The following CELF5 variants were observed in gnomAD, a reference collection of about 807,000 sequenced individuals.
CELF5 encodes the protein CUG-BP and ETR-3 like factor 5.
In CELF5, 6 loss-of-function variants were observed where a neutral mutation model predicts 54.9. The ratio of observed to expected loss-of-function variants is 0.11; its 90% CI spans 0.06 to 0.22. The LOEUF (loss-of-function observed/expected upper bound fraction) is 0.22. CELF5 is among the 10% of genes least tolerant of loss of function. CELF5 has a pLI of 1.00. For synonymous variants in CELF5, 271 were observed against 290.9 expected (o/e 0.93, Z 0.70); for missense variants, 401 against 678.6 (o/e 0.59, Z 4.54).
At chr19:3,259,673 G>A (rs1385497810) in intron 2 of CELF5, among the ~76,000 whole-genome samples, 1 of 152,038 alleles carries the variant, frequency 6.6e-6, no homozygotes, top group Non-Finnish European at 1.5e-5. Context: ...GTCTCTTGGG[G>A]GTCTGTGGAA....
intron 2 of CELF5, among the ~76,000 whole-genome samples, chr19:3,255,882 T>C (rs1246829009): frequency 6.6e-6 from 1 of 151,948 alleles, no homozygotes; most frequent in African/African-American, 2.4e-5. Context: ...CTGGCCAACA[T>C]GGTGAAACCC....
At chr19:3,277,307 T>C (rs911296538) in intron 4 of CELF5, among the ~76,000 whole-genome samples, 1 of 151,764 alleles carries the variant, frequency 6.6e-6, no homozygotes, top group African/African-American at 2.4e-5. Context: ...AACCCGTCTC[T>C]ACAAAAAATA....
intron 2 of CELF5, among the ~76,000 whole-genome samples, chr19:3,267,988 A>T (rs1232704611): frequency 6.6e-6 from 1 of 151,848 alleles, no homozygotes; most frequent in Non-Finnish European, 1.5e-5. Flanking sequence ...CTAGAAGTAG[A>T]TTTTTGTTTT....
At chr19:3,244,392 G>A (rs2079531835) in intron 1 of CELF5, among the ~76,000 whole-genome samples, 1 of 151,592 alleles carries the variant, frequency 6.6e-6, no homozygotes, top group African/African-American at 2.4e-5. Context: ...TGTAGTGTGT[G>A]TGGTGTGCAT....
At chr19:3,226,079 G>A (rs1475824870) in intron 1 of CELF5, among the ~76,000 whole-genome samples, 1 of 151,574 alleles carries the variant, frequency 6.6e-6, no homozygotes, top group Non-Finnish European at 1.5e-5. Flanking sequence ...CCGGTCAGGT[G>A]TTGGGGACTG....
intron 2 of CELF5, among the ~76,000 whole-genome samples, chr19:3,251,282 G>T (rs930348438): frequency 2.0e-5 from 3 of 152,222 alleles, no homozygotes; most frequent in East Asian, 1.9e-4. Flanking sequence ...CAGAGTGGTT[G>T]TGTGTGGTTG....
intron 1 of CELF5, among the ~76,000 whole-genome samples, chr19:3,231,309 G>A (rs1267423695): frequency 6.6e-6 from 1 of 152,228 alleles, no homozygotes; most frequent in African/African-American, 2.4e-5. Flanking sequence ...TGGATGGAGA[G>A]ATAGATATGT....
rs1334157522 is a variant in CELF5 at position 3,228,943 on chromosome 19, C to T, written c.259+3945C>T. ...GCGGGCGCGCGCCTGGGAAGGACTCCTGCCGGGGTGCTGTGTGGCTTCAAG... is the reference window on the plus strand; with the variant it reads ...GCGGGCGCGCGCCTGGGAAGGACTCTTGCCGGGGTGCTGTGTGGCTTCAAG... On this transcript the variant is annotated intron_variant, in intron 1 of 12. Coordinates refer to ENST00000292672, the MANE Select transcript of CELF5 (RefSeq NM_021938.4). This position sits in a 1 kb window ranked among gnomAD's most constrained non-coding sequence, Gnocchi z 6.0. Among the ~76,000 whole-genome samples the T allele has an allele frequency of 1.3e-5, 2 of 151,290 alleles. No homozygotes were observed. The highest frequency in any genetic ancestry group is 2.9e-5 in the Non-Finnish European group (2 of 67,856).
chr19:3,265,032 G>A (rs1324222965), intron 2 of CELF5, among the ~76,000 whole-genome samples: 1 of 152,024 alleles, frequency 6.6e-6, no homozygotes, highest in Non-Finnish European at 1.5e-5. Context: ...TTAATTTAAT[G>A]ATGACGAGAT....
At chr19:3,226,889 TCAA>T in intron 1 of CELF5, among the ~76,000 whole-genome samples, 1 of 151,994 alleles carries the variant, frequency 6.6e-6, no homozygotes, top group East Asian at 1.9e-4. Flanking sequence ...TTCCCTGCTG[TCAA>T]CAGAGCAGGA....
At chr19:3,277,966 TG>T in intron 4 of CELF5, 64 bp from the exon 5 acceptor site, 2 of 1,286,720 alleles carry the variant, frequency 1.6e-6, no homozygotes, top group Non-Finnish European at 1.1e-6. Flanking sequence ...CCCTCTCCTG[TG>T]GCCCCCGCTC....
rs1464555405 is a variant in CELF5, at chr19:3,263,438, G to C, written c.343-10434G>C. On this transcript the variant is annotated intron_variant, in intron 2 of 12. Coordinates refer to ENST00000292672, the MANE Select transcript of CELF5 (RefSeq NM_021938.4). Reference sequence around the variant, plus strand: ...TAGCCAGGCATGGTGTCGCGTGCCTGTAATCACAGCTACTCAGGAGGCTGA... The same window carrying C: ...TAGCCAGGCATGGTGTCGCGTGCCTCTAATCACAGCTACTCAGGAGGCTGA... Among the ~76,000 whole-genome samples the C allele has an allele frequency of 3.4e-5, 5 of 148,060 alleles. No individual in the cohort carries two copies. The Admixed American group carries it at 3.4e-4, about 10-fold the overall frequency.
chr19:3,272,193 C>T (rs552681462), intron 2 of CELF5, among the ~76,000 whole-genome samples: 20 of 151,998 alleles, frequency 1.3e-4, no homozygotes, highest in Middle Eastern at 3.4e-3. Flanking sequence ...TGGTGAAACC[C>T]CATCTCTACT....
Position 3,281,301 on chromosome 19 carries a change from T to C in CELF5, c.706T>C (p.Ser236Pro). The change falls in exon 6 of 13, where the codon TCC becomes CCC. Residue 236 changes from serine to proline, a missense_variant. This residue lies in a region of CELF5 where 87 missense variants were observed against 190.2 expected (regional missense o/e 0.46). Coordinates refer to ENST00000292672, the MANE Select transcript of CELF5 (RefSeq NM_021938.4). This position sits in a 1 kb window ranked among gnomAD's most constrained non-coding sequence, Gnocchi z 6.5. ...GGGCCAGCTGGGCATCCTGACGCCG[T>C]CCCTCACATTGCCCTTCAGCCCCTA... ...MVGQLGILTP[S>P]LTLPFSPYSA... The C allele has an allele frequency of 6.2e-7, 1 of 1,611,364 alleles. No homozygotes were observed.
chr19:3,278,246 A>G lies in CELF5; in HGVS notation c.603+136A>G. On this transcript the variant is annotated intron_variant, in intron 5 of 12. Coordinates refer to ENST00000292672, the MANE Select transcript of CELF5 (RefSeq NM_021938.4). The surrounding 1 kb of genome is among the most constrained non-coding windows in gnomAD (Gnocchi z 4.5). ...TGTCCTTCAGAGGGGGCACAGGTGG[A>G]GAAAGAGGCGCAGTCCCTGGCTGTG... 1.5e-6 allele frequency: 1 copy of G among 666,224 alleles called. No homozygotes were observed. 41.3% of individuals were successfully genotyped at this position (666,224 alleles called of 1,614,324 possible).
chr19:3,253,652 A>G (rs1397495677), intron 2 of CELF5, among the ~76,000 whole-genome samples: 2 of 152,200 alleles, frequency 1.3e-5, no homozygotes, highest in Non-Finnish European at 2.9e-5. Flanking sequence ...TGGAGGGAGG[A>G]ACTCAAGGAA....
chr19:3,288,702 G>A (rs893292524), intron 10 of CELF5, among the ~76,000 whole-genome samples: 14 of 152,062 alleles, frequency 9.2e-5, no homozygotes, highest in Admixed American at 7.9e-4. Flanking sequence ...TTAAAAGTTA[G>A]CCAGGCATGG....
Position 3,282,537 on chromosome 19 carries a change from G to A in CELF5, c.1039+39G>A, listed in dbSNP as rs1178339602. 2 of 1,582,204 alleles carry A rather than the reference G, an allele frequency of 1.3e-6. No individual in the cohort carries two copies. Among genetic ancestry groups the A allele is most frequent in the Non-Finnish European group, 1.7e-6 (2 of 1,164,756 alleles). ...GTCCTCTGGGGCCTAGGAGAGTGGT[G>A]GGGAATAAAGATGGTGTTTCTGGAA... On this transcript the variant is annotated intron_variant, in intron 8 of 12. Coordinates refer to ENST00000292672, the MANE Select transcript of CELF5 (RefSeq NM_021938.4). This position sits in a 1 kb window ranked among gnomAD's most constrained non-coding sequence, Gnocchi z 5.2.
intron 1 of CELF5, among the ~76,000 whole-genome samples, chr19:3,229,091 TC>T (rs988851921): frequency 3.1e-4 from 21 of 67,796 alleles, no homozygotes; most frequent in Non-Finnish European, 8.8e-5. Flanking sequence ...TGCACCTCCC[TC>T]CCCCCGCCCC....
Sources: gnomAD v4.1 joint callset for allele counts (sites outside exome capture counted in the v4.1 genomes callset) on GRCh38, gnomAD v4.1.1 for gene constraint, gnomAD v4.1.1 regional missense constraint, Gnocchi (gnomAD v3.1) non-coding constraint, MANE v1.5 for transcripts, NCBI Gene and HGNC (gene_info 2026-07-23, HGNC 2026-07-21) for gene names.